CFTR: variants seen among roughly 807,000 people sequenced by gnomAD.
The protein encoded by CFTR is cystic fibrosis transmembrane conductance regulator.
CFTR carries 181 observed loss-of-function variants against 171.6 expected under a neutral mutation model. The observed-to-expected ratio is 1.05, with a 90% CI of 0.93 to 1.19. The LOEUF (loss-of-function observed/expected upper bound fraction) is 1.19. CFTR is among the 50% of genes most tolerant of loss of function. The pLI is 0.00. For synonymous variants in CFTR, 583 were observed against 608.0 expected, an observed-to-expected ratio of 0.96 and a Z score of 0.60; for missense variants, 1,968 against 1,734.7, an observed-to-expected ratio of 1.13 and a Z score of -2.39.
chr7:117,536,465 T>C, intron 6 of CFTR, 83 bp from the exon 7 acceptor site: 1 of 1,362,424 alleles, frequency 7.3e-7, no homozygotes, highest in Non-Finnish European at 1.0e-6. Flanking sequence ...AAATATGACT[T>C]AAAACCTTGA....
rs1333320223 is a variant in CFTR, at chr7:117,668,385, A to C, written c.*1277A>C. ...TATGAAATATTATGTTAAAACTGGG[A>C]CAGGGGAGAACCTAGGGTGATATTA... On this transcript the variant is annotated 3_prime_UTR_variant, in exon 27 of 27. Coordinates refer to ENST00000003084, the MANE Select transcript of CFTR (RefSeq NM_000492.4). The C allele has an allele frequency of 6.6e-6, 1 of 152,300 alleles. No homozygotes were observed. The highest frequency in any genetic ancestry group is 2.4e-5 in the African/African-American group (1 of 41,432). 9.4% of individuals were successfully genotyped at this position (152,300 alleles called of 1,614,324 possible).
chr7:117,635,794 T>TA, intron 22 of CFTR, among the ~76,000 whole-genome samples: 1 of 152,202 alleles, frequency 6.6e-6, no homozygotes, highest in East Asian at 1.9e-4. Context: ...TTAGTTCACT[T>TA]ACATATATGG....
Position 117,610,761 on chromosome 7 carries a change from G to A in CFTR, c.3139+92G>A, listed in dbSNP as rs1477268873. On this transcript the variant is annotated intron_variant, in intron 19 of 26. Transcript: ENST00000003084. The stretch of plus-strand genomic sequence containing the variant: ...TGTTAATCTACTTAAAAAAAATTCT[G>A]CTTTTAAACTTTTACATCATATAAC... 6 of 1,411,124 alleles carry A rather than the reference G, an allele frequency of 4.3e-6. No individual in the cohort carries two copies. In the African/African-American group the frequency reaches 8.7e-5, roughly 20 times the overall value. The allele number at this position is 1,411,124 out of a possible 1,614,324, so 87.4% of individuals were successfully genotyped here. A position where few individuals can be genotyped will look rare whatever the true frequency, so the allele number is the denominator to read the frequency against.
At chr7:117,654,946 A>G (rs894885941) in intron 24 of CFTR, among the ~76,000 whole-genome samples, 1 of 152,092 alleles carries the variant, frequency 6.6e-6, no homozygotes, top group Non-Finnish European at 1.5e-5. Context: ...AAGATCTCCA[A>G]ATGGCTTTGG....
intron 21 of CFTR, among the ~76,000 whole-genome samples, chr7:117,626,775 G>A (rs1792657176): frequency 6.6e-6 from 1 of 151,782 alleles, no homozygotes; most frequent in African/African-American, 2.4e-5. Flanking sequence ...ATTCAGAGAT[G>A]TATGTTTTTT....
intron 1 of CFTR, among the ~76,000 whole-genome samples, chr7:117,485,729 G>A (rs538775668): frequency 3.1e-4 from 47 of 152,186 alleles, no homozygotes; most frequent in African/African-American, 1.0e-3. Context: ...TATTCAAGTT[G>A]CAAGGCTTGT....
intron 8 of CFTR, among the ~76,000 whole-genome samples, 200 bp from the exon 9 acceptor site, chr7:117,541,816 A>G (rs191758490): frequency 1.1e-3 from 169 of 152,332 alleles, no homozygotes; most frequent in Admixed American, 2.3e-3. Context: ...TTTAGAGAGT[A>G]TATTTCAAAT....
rs112371844 is a variant in CFTR at position 117,495,384 on chromosome 7, G to C, written c.54-8869G>C. Among the ~76,000 whole-genome samples the C allele has an allele frequency of 4.5e-3, 679 of 152,182 alleles. 5 individuals carry two copies. Among genetic ancestry groups the C allele is most frequent in the Non-Finnish European group, 7.3e-3 (494 of 67,984 alleles). ...CTTTGTTTCCTCTGTTATGTTTCAA[G>C]ATGGGTGGGATTTTTTTTGTAGCAT... On this transcript the variant is annotated intron_variant, in intron 1 of 26. Coordinates refer to ENST00000003084, the MANE Select transcript of CFTR (RefSeq NM_000492.4).
intron 11 of CFTR, among the ~76,000 whole-genome samples, chr7:117,562,941 G>A (rs1415554918): frequency 1.3e-5 from 2 of 152,186 alleles, no homozygotes; most frequent in Non-Finnish European, 1.5e-5. Context: ...CAGAACCAGA[G>A]TGTAAATAAG....
chr7:117,665,381 C>A, intron 25 of CFTR, 78 bp from the exon 26 acceptor site: 1 of 847,334 alleles, frequency 1.2e-6, no homozygotes. Flanking sequence ...GATAATAGAA[C>A]AATAGACATA....
intron 3 of CFTR, 69 bp downstream of exon 3, chr7:117,509,211 C>A: frequency 1.0e-6 from 1 of 967,766 alleles, no homozygotes; most frequent in Non-Finnish European, 1.7e-6. Context: ...TATGAAAAGA[C>A]TACGAAATCT....
chr7:117,565,192 A>T (rs1791580310), intron 11 of CFTR, among the ~76,000 whole-genome samples: 1 of 152,222 alleles, frequency 6.6e-6, no homozygotes, highest in Non-Finnish European at 1.5e-5. Flanking sequence ...AAATATTTGT[A>T]GCTATTGTAA....
chr7:117,588,183 A>G (rs1468358923), intron 12 of CFTR, among the ~76,000 whole-genome samples: 2 of 152,112 alleles, frequency 1.3e-5, no homozygotes, highest in African/African-American at 4.8e-5. Context: ...TGCCACTCCA[A>G]TGTACACACC....
chr7:117,604,946 A>C (rs1387047242), intron 17 of CFTR: 1 of 152,274 alleles, frequency 6.6e-6, no homozygotes, highest in East Asian at 1.9e-4. Context: ...CTATAAGAGC[A>C]GTGATCATGG....
chr7:117,542,600 G>A (rs1799075543), intron 9 of CFTR, among the ~76,000 whole-genome samples: 1 of 151,996 alleles, frequency 6.6e-6, no homozygotes, highest in Non-Finnish European at 1.5e-5. Flanking sequence ...AATATTAAAT[G>A]CAATATAAAA....
intron 9 of CFTR, among the ~76,000 whole-genome samples, chr7:117,544,430 C>T (rs1185009027): frequency 6.6e-6 from 1 of 152,142 alleles, no homozygotes; most frequent in South Asian, 2.1e-4. Flanking sequence ...TCTGTTCACC[C>T]CCAGTAGATA....
intron 1 of CFTR, among the ~76,000 whole-genome samples, chr7:117,503,462 T>C (rs1798363972): frequency 6.6e-6 from 1 of 152,218 alleles, no homozygotes; most frequent in African/African-American, 2.4e-5. Context: ...CCTCTTCTAC[T>C]TTCTTCTTTC....
chr7:117,600,877 A>G (rs1029558652), intron 15 of CFTR, among the ~76,000 whole-genome samples: 2 of 152,090 alleles, frequency 1.3e-5, no homozygotes, highest in Non-Finnish European at 2.9e-5. Context: ...AATTGCTTCT[A>G]TATACACCAA....
chr7:117,604,770 T>G (rs1020369343), intron 17 of CFTR: 5 of 152,208 alleles, frequency 3.3e-5, no homozygotes, highest in African/African-American at 1.2e-4. Context: ...GAGCTAAGAA[T>G]TTTAGACTCA....
Sources: allele counts gnomAD v4.1 joint callset (sites outside exome capture counted in the v4.1 genomes callset), GRCh38; gene constraint gnomAD v4.1.1; transcripts MANE v1.5; gene names NCBI Gene and HGNC (gene_info 2026-07-23, HGNC 2026-07-21).